Variants in MCF2L2 observed in about 807,000 individuals in gnomAD.
MCF2L2 encodes the protein probable guanine nucleotide exchange factor MCF2L2.
Under a neutral mutation model 150.2 loss-of-function variants are expected in MCF2L2, and 102 were observed. The ratio of observed to expected loss-of-function variants is 0.68; its 90% confidence interval spans 0.58 to 0.80. MCF2L2 has a LOEUF of 0.80. Among genes scored for constraint, MCF2L2 ranks in the 30% least tolerant of loss-of-function variants. The pLI is 0.00. For missense variants in MCF2L2, 1,256 were observed against 1,372.8 expected, an observed-to-expected ratio of 0.91 and a Z score of 1.34; for synonymous variants, 465 against 491.3, an observed-to-expected ratio of 0.95 and a Z score of 0.71.
intron 1 of MCF2L2, among the ~76,000 whole-genome samples, chr3:183,414,293 TGAGTC>T (rs1223299809): frequency 6.6e-6 from 1 of 152,220 alleles, no homozygotes; most frequent in African/African-American, 2.4e-5. Context: ...TTCTATTTCT[TGAGTC>T]ATTTTTGGTA....
intron 4 of MCF2L2, among the ~76,000 whole-genome samples, chr3:183,339,946 T>C (rs1223048720): frequency 6.6e-6 from 1 of 152,150 alleles, no homozygotes; most frequent in Non-Finnish European, 1.5e-5. Context: ...TGGGACAAAT[T>C]AGGCTCAGAC....
At chr3:183,414,686 C>A (rs1715495025) in intron 1 of MCF2L2, among the ~76,000 whole-genome samples, 1 of 152,148 alleles carries the variant, frequency 6.6e-6, no homozygotes, top group African/African-American at 2.4e-5. Context: ...TTAATGTAAG[C>A]ATTTGCAGCT....
chr3:183,397,374 G>A (rs1023367771), intron 1 of MCF2L2, among the ~76,000 whole-genome samples: 2 of 152,224 alleles, frequency 1.3e-5, no homozygotes, highest in African/African-American at 4.8e-5. Context: ...TGTACACTGA[G>A]TCCTCACGTG....
At chr3:183,201,996 A>G (rs891206892) in intron 25 of MCF2L2, among the ~76,000 whole-genome samples, 27 of 152,156 alleles carry the variant, frequency 1.8e-4, no homozygotes, top group Non-Finnish European at 3.8e-4. Flanking sequence ...TGAGCTTTTT[A>G]ACTTGCCCTA....
At chr3:183,336,545 C>A (rs1730488666) in intron 5 of MCF2L2, among the ~76,000 whole-genome samples, 1 of 152,028 alleles carries the variant, frequency 6.6e-6, no homozygotes, top group African/African-American at 2.4e-5. Flanking sequence ...TGTAACACCA[C>A]CCAATCAAGA....
chr3:183,297,555 C>A, intron 11 of MCF2L2: 1 of 166,810 alleles, frequency 6.0e-6, no homozygotes, highest in Non-Finnish European at 1.3e-5. Flanking sequence ...CTACCCCAGG[C>A]TCAGGTGATT....
At chr3:183,238,724 G>A (rs868165858) in intron 15 of MCF2L2, among the ~76,000 whole-genome samples, 5 of 151,264 alleles carry the variant, frequency 3.3e-5, no homozygotes, top group Non-Finnish European at 5.9e-5. Context: ...TCGGCCGGGC[G>A]CGGTGGCTCA....
intron 15 of MCF2L2, among the ~76,000 whole-genome samples, chr3:183,276,173 C>T (rs1276114162): frequency 6.6e-6 from 1 of 152,182 alleles, no homozygotes; most frequent in African/African-American, 2.4e-5. Context: ...TCTTTGAATA[C>T]ACCGTAAGTG....
chr3:183,335,193 A>G (rs895776694), intron 5 of MCF2L2, among the ~76,000 whole-genome samples: 2 of 152,158 alleles, frequency 1.3e-5, no homozygotes. Flanking sequence ...CTAATGAGAT[A>G]TGATAACTAA....
At position 183,366,641 on chromosome 3, in the gene MCF2L2, G is replaced by A. The variant is rs190916421; in HGVS notation, c.275+12656C>T. 1.1e-3 allele frequency among the ~76,000 whole-genome samples: 162 copies of A among 151,416 alleles called. 1 individual carries two copies. The highest frequency in any genetic ancestry group is 2.5e-3 in the East Asian group (13 of 5,168). On this transcript the variant is annotated intron_variant, in intron 3 of 29. Transcript: ENST00000328913. ...AGCCTGGGCAACAGAGCAAGACTCC[G>A]TCTCAAAAAAAAAAAATTATTTACC...
intron 7 of MCF2L2, among the ~76,000 whole-genome samples, chr3:183,312,446 T>C (rs557086400): frequency 2.0e-5 from 3 of 152,322 alleles, no homozygotes; most frequent in East Asian, 3.9e-4. Flanking sequence ...CATCATTCGT[T>C]GCCCTGAGCC....
In MCF2L2 at chr3:183,220,035, T is replaced by C; in HGVS notation, c.2302-111A>G. ...TATCTGCCACCAATGCTAAGCTGACTGAGAACGTGTGTAAATGTGTAAGAG... is the reference window on the plus strand; with the variant it reads ...TATCTGCCACCAATGCTAAGCTGACCGAGAACGTGTGTAAATGTGTAAGAG... On this transcript the variant is annotated intron_variant, in intron 20 of 29. Transcript: ENST00000328913. 1.1e-5 allele frequency: 8 copies of C among 755,198 alleles called. No homozygotes were observed. In the South Asian group the frequency reaches 1.2e-4, roughly 12 times the overall value. The allele number at this position is 755,198 out of a possible 1,614,324, so 46.8% of individuals were successfully genotyped here.
intron 1 of MCF2L2, among the ~76,000 whole-genome samples, chr3:183,404,140 A>T (rs1398007497): frequency 1.3e-5 from 2 of 152,208 alleles, no homozygotes; most frequent in Non-Finnish European, 2.9e-5. Flanking sequence ...TAACATTTAA[A>T]AAATTTATGC....
chr3:183,205,600 G>A (rs1428588850), intron 25 of MCF2L2, among the ~76,000 whole-genome samples: 1 of 152,088 alleles, frequency 6.6e-6, no homozygotes, highest in African/African-American at 2.4e-5. Context: ...TTCTTGGGTG[G>A]CCATCAGATT....
Position 183,334,179 on chromosome 3 carries a change from T to C in MCF2L2, c.486+4621A>G, listed in dbSNP as rs755115833. On this transcript the variant is annotated intron_variant, in intron 5 of 29. Coordinates refer to ENST00000328913, the MANE Select transcript of MCF2L2 (RefSeq NM_015078.4). ...CTTACAGTAAAATACCAACTTCTGATTAGTAAATGATGAGAGTGCTGGAGT... is the reference window on the plus strand; with the variant it reads ...CTTACAGTAAAATACCAACTTCTGACTAGTAAATGATGAGAGTGCTGGAGT... Among the ~76,000 whole-genome samples the C allele has an allele frequency of 2.6e-5, 4 of 152,124 alleles. No homozygotes were observed. In the South Asian group the frequency reaches 8.3e-4, roughly 31 times the overall value.
chr3:183,366,560 G>A (rs1011785769), intron 3 of MCF2L2, among the ~76,000 whole-genome samples: 2 of 152,102 alleles, frequency 1.3e-5, no homozygotes, highest in African/African-American at 4.8e-5. Flanking sequence ...CAGGAGAATC[G>A]CTGGAACCCA....
Position 183,207,667 on chromosome 3 carries a change from G to C in MCF2L2, c.2653C>G (p.Arg885Gly). ...FERGIVFCKI[R>G]MEPGDQGLSP... Reference sequence around the variant, plus strand: ...AATCCCTGGTCCCCAGGCTCCATTCGTATCTTACAGAACACTATTCCCCTT... The same window carrying C: ...AATCCCTGGTCCCCAGGCTCCATTCCTATCTTACAGAACACTATTCCCCTT... The change falls in exon 23 of 30, where the codon CGA (arginine) becomes GGA (glycine). Residue 885 changes from arginine to glycine, a missense_variant. Arg to Gly is a moderately radical substitution (Grantham distance 125). Transcript: ENST00000328913. 6.2e-7 allele frequency: 1 copy of C among 1,614,170 alleles called. No homozygotes were observed. Among genetic ancestry groups the C allele is most frequent in the Non-Finnish European group, 8.5e-7 (1 of 1,180,004 alleles).
At chr3:183,291,471 G>A (rs1728139953) in intron 13 of MCF2L2, among the ~76,000 whole-genome samples, 1 of 152,172 alleles carries the variant, frequency 6.6e-6, no homozygotes, top group Admixed American at 6.5e-5. Context: ...AGCTATTATT[G>A]CCACATGGCA....
chr3:183,396,160 C>T (rs765536157), intron 1 of MCF2L2, among the ~76,000 whole-genome samples: 3 of 151,808 alleles, frequency 2.0e-5, no homozygotes, highest in African/African-American at 4.8e-5. Flanking sequence ...ACTCTTTTAA[C>T]GCTGCTCAGA....
Sources: allele counts gnomAD v4.1 joint callset (sites outside exome capture counted in the v4.1 genomes callset), GRCh38; gene constraint gnomAD v4.1.1; transcripts MANE v1.5; gene names NCBI Gene and HGNC (gene_info 2026-07-23, HGNC 2026-07-21).